The following CLCN6 variants were observed in gnomAD, a reference collection of about 807,000 sequenced individuals.
CLCN6 encodes H(+)/Cl(-) exchange transporter 6.
Under a neutral mutation model 109.8 loss-of-function variants are expected in CLCN6, and 70 were observed. The observed-to-expected ratio is 0.64, with a 90% confidence interval of 0.53 to 0.78. CLCN6 has a LOEUF of 0.78. Ranked by LOEUF, CLCN6 falls within the 30% of genes least tolerant of loss-of-function variation. The probability of loss-of-function intolerance (pLI) is 0.00; values close to 1 mark genes in which losing one functional copy is unlikely to be tolerated. For synonymous variants in CLCN6, 444 were observed against 447.8 expected (o/e 0.99, Z 0.11); for missense variants, 984 against 1,142.3 (o/e 0.86, Z 2.00).
At chr1:11,807,085 C>T (rs1190557566) in intron 1 of CLCN6, 46 bp from the exon 2 acceptor site, 2 of 1,551,044 alleles carry the variant, frequency 1.3e-6, no homozygotes, top group East Asian at 4.5e-5. Context: ...CCTCCTTCCA[C>T]TCCTAACCAC....
At chr1:11,811,936 T>C (rs1489054742) in intron 2 of CLCN6, among the ~76,000 whole-genome samples, 1 of 152,210 alleles carries the variant, frequency 6.6e-6, no homozygotes. Flanking sequence ...GTATTGTTTC[T>C]CCTCTGCTCT....
Position 11,840,187 on chromosome 1 carries a change from G to T in CLCN6, c.2574G>T (p.Leu858=), listed in dbSNP as rs766609466. ...ITRHNLTYEF[L]QARLRQHYQT... ...GGCACAACCTCACCTATGAATTTCTGCAGGCCCGGCTGAGGCAGCACTACC... is the reference window on the plus strand; with the variant it reads ...GGCACAACCTCACCTATGAATTTCTTCAGGCCCGGCTGAGGCAGCACTACC... The change falls in exon 23 of 23, where the codon CTG becomes CTT. Residue 858 remains leucine (L), a synonymous_variant. Transcript: ENST00000346436. 6.2e-7 allele frequency: 1 copy of T among 1,613,682 alleles called. No individual in the cohort carries two copies. The highest frequency in any genetic ancestry group is 1.1e-5 in the South Asian group (1 of 91,082).
chr1:11,838,192 A>T, intron 20 of CLCN6, 143 bp from the exon 21 acceptor site: 1 of 738,694 alleles, frequency 1.4e-6, no homozygotes, highest in South Asian at 1.6e-5. Context: ...GAGAGCTCTC[A>T]CTCTGGAGCG....
chr1:11,835,090 C>T (rs368054963), intron 17 of CLCN6, among the ~76,000 whole-genome samples: 28 of 152,156 alleles, frequency 1.8e-4, no homozygotes, highest in Non-Finnish European at 3.4e-4. Context: ...GCCAGCAAGC[C>T]GTTTCTGTGG....
chr1:11,822,843 G>A, intron 6 of CLCN6, 42 bp downstream of exon 6: 1 of 1,264,354 alleles, frequency 7.9e-7, no homozygotes, highest in Non-Finnish European at 1.2e-6. Flanking sequence ...GGAGGTTTTA[G>A]AGTCCCGCAC....
At chr1:11,836,513 G>C (rs1644952082) in intron 18 of CLCN6, among the ~76,000 whole-genome samples, 1 of 152,180 alleles carries the variant, frequency 6.6e-6, no homozygotes, top group African/African-American at 2.4e-5. Context: ...GGAAAGCTCA[G>C]GACAGCTGGG....
chr1:11,807,058 T>A, intron 1 of CLCN6, 73 bp from the exon 2 acceptor site: 1 of 1,332,246 alleles, frequency 7.5e-7, no homozygotes, highest in South Asian at 1.2e-5. Flanking sequence ...AGCCACTGAT[T>A]TCAGTAAATA....
intron 2 of CLCN6, among the ~76,000 whole-genome samples, chr1:11,813,320 C>A (rs542938008): frequency 6.6e-6 from 1 of 152,216 alleles, no homozygotes; most frequent in South Asian, 2.1e-4. Context: ...TATGTTTAAT[C>A]ACTTATGGAT....
intron 17 of CLCN6, among the ~76,000 whole-genome samples, chr1:11,835,138 G>A (rs1644928457): frequency 6.6e-6 from 1 of 152,250 alleles, no homozygotes; most frequent in Admixed American, 6.5e-5. Context: ...TTTCCGGGCT[G>A]TATGGTCTCT....
chr1:11,835,346 C>T, intron 17 of CLCN6, among the ~76,000 whole-genome samples: 1 of 152,188 alleles, frequency 6.6e-6, no homozygotes, highest in East Asian at 1.9e-4. Flanking sequence ...GATTATAGCT[C>T]ACTGCAACCT....
intron 3 of CLCN6, 58 bp from the exon 4 acceptor site, chr1:11,816,557 T>G: frequency 1.3e-6 from 2 of 1,506,326 alleles, no homozygotes; most frequent in Non-Finnish European, 1.8e-6. Flanking sequence ...AAGATGTATT[T>G]CTTCCCCTCT....
chr1:11,820,514 C>G (rs1644727379), intron 5 of CLCN6: 1 of 587,550 alleles, frequency 1.7e-6, no homozygotes, highest in African/African-American at 1.9e-5. Context: ...CGCCTGTAAT[C>G]CCAGCATTTT....
chr1:11,806,695 C>A, intron 1 of CLCN6: 1 of 364,282 alleles, frequency 2.7e-6, no homozygotes, highest in Non-Finnish European at 4.9e-6. Context: ...GTTTTAGCTT[C>A]TCCAGTCCTT....
chr1:11,838,873 C>A (rs770351119), intron 22 of CLCN6: 1 of 745,744 alleles, frequency 1.3e-6, no homozygotes, highest in South Asian at 1.5e-5. Context: ...CACTGGCCGT[C>A]CTTTCCAGCC....
rs1334729047 is a variant in CLCN6 at position 11,838,360 on chromosome 1, A to G, written c.2321A>G (p.Tyr774Cys). ...QSSASQPRLS[Y>C]AEMAEDYPRY... Reference sequence around the variant, plus strand: ...AGCGCCAGCCAGCCGCGCCTCTCCTATGCCGAGATGGCCGAGGACTACCCG... The same window carrying G: ...AGCGCCAGCCAGCCGCGCCTCTCCTGTGCCGAGATGGCCGAGGACTACCCG... The change falls in exon 21 of 23, where the codon TAT becomes TGT. Residue 774 changes from tyrosine (Y) to cysteine (C), a missense_variant. Physicochemically the swap from Tyr to Cys is radical, Grantham distance 194. Coordinates refer to ENST00000346436, the MANE Select transcript of CLCN6 (RefSeq NM_001286.5). 6.2e-7 allele frequency: 1 copy of G among 1,613,974 alleles called. No individual in the cohort carries two copies. Among genetic ancestry groups the G allele is most frequent in the Non-Finnish European group, 8.5e-7 (1 of 1,180,032 alleles).
intron 13 of CLCN6, among the ~76,000 whole-genome samples, chr1:11,831,042 AGGC>A (rs1644878113): frequency 6.6e-6 from 1 of 151,556 alleles, no homozygotes; most frequent in Admixed American, 6.6e-5. Flanking sequence ...CATGTTGGCC[AGGC>A]TGGTCTCGAA....
chr1:11,840,188 C>G lies in CLCN6; in HGVS notation c.2575C>G (p.Gln859Glu), dbSNP rs754816242. The G allele has an allele frequency of 6.2e-6, 10 of 1,613,588 alleles. No individual in the cohort carries two copies. Among genetic ancestry groups the G allele is most frequent in the Non-Finnish European group, 8.5e-7 (1 of 1,180,036 alleles). ...TRHNLTYEFL[Q>E]ARLRQHYQTI is the part of the protein sequence containing the mutation. ...GCACAACCTCACCTATGAATTTCTG[C>G]AGGCCCGGCTGAGGCAGCACTACCA... Residue 859 changes from glutamine to glutamate, a missense_variant, in exon 23 of 23, where the codon CAG becomes GAG. Physicochemically the swap from Gln to Glu is conservative, Grantham distance 29. Transcript: ENST00000346436.
At chr1:11,817,131 C>T (rs1644683616) in intron 4 of CLCN6, among the ~76,000 whole-genome samples, 1 of 151,924 alleles carries the variant, frequency 6.6e-6, no homozygotes, top group Non-Finnish European at 1.5e-5. Flanking sequence ...CTCGCTTTGT[C>T]ACCCTGGCTG....
intron 8 of CLCN6, 51 bp downstream of exon 8, chr1:11,824,604 C>T: frequency 6.7e-7 from 1 of 1,487,370 alleles, no homozygotes; most frequent in Non-Finnish European, 9.3e-7. Flanking sequence ...AGTGGGAGGT[C>T]TGGTTACACT....
Sources: allele counts gnomAD v4.1 joint callset (sites outside exome capture counted in the v4.1 genomes callset), GRCh38; gene constraint gnomAD v4.1.1; transcripts MANE v1.5; gene names NCBI Gene and HGNC (gene_info 2026-07-23, HGNC 2026-07-21).